RAPGEF2: variants seen among roughly 807,000 people sequenced by gnomAD.
The protein encoded by RAPGEF2 is PDZ domain containing guanine nucleotide exchange factor (GEF) 1.
Under a neutral mutation model 186.7 loss-of-function variants are expected in RAPGEF2, and 54 were observed. The observed-to-expected ratio is 0.29, with a 90% confidence interval of 0.23 to 0.36. The LOEUF (loss-of-function observed/expected upper bound fraction) is 0.36. RAPGEF2 is among the 10% of genes least tolerant of loss of function. RAPGEF2 has a pLI of 1.00. For missense variants in RAPGEF2, 1,532 were observed against 2,045.0 expected (o/e 0.75, Z 4.84); for synonymous variants, 712 against 705.9 (o/e 1.01, Z -0.14).
chr4:159,307,539 T>C (rs924477197), intron 8 of RAPGEF2, among the ~76,000 whole-genome samples: 4 of 152,346 alleles, frequency 2.6e-5, no homozygotes, highest in Admixed American at 1.3e-4. Context: ...GCCTTCATCC[T>C]CTAAACTTTG....
chr4:159,218,834 T>C (rs561685043), intron 4 of RAPGEF2, among the ~76,000 whole-genome samples: 24 of 152,230 alleles, frequency 1.6e-4, no homozygotes, highest in Non-Finnish European at 2.9e-4. Flanking sequence ...AGTTAGATGA[T>C]GGCAGAATTA....
chr4:159,213,120 A>G (rs1750681840), intron 4 of RAPGEF2, among the ~76,000 whole-genome samples: 1 of 152,220 alleles, frequency 6.6e-6, no homozygotes, highest in Non-Finnish European at 1.5e-5. Flanking sequence ...TACTATATAT[A>G]GGTTATTCCT....
At chr4:159,172,615 T>C (rs1746028850) in intron 1 of RAPGEF2, among the ~76,000 whole-genome samples, 1 of 152,182 alleles carries the variant, frequency 6.6e-6, no homozygotes, top group Non-Finnish European at 1.5e-5. Context: ...ATAAATCAAA[T>C]GTACACATGT....
At chr4:159,335,910 T>C (rs994596022) in intron 17 of RAPGEF2, among the ~76,000 whole-genome samples, 1 of 146,522 alleles carries the variant, frequency 6.8e-6, no homozygotes, top group African/African-American at 2.6e-5. Context: ...TGTGCCGGAG[T>C]GGCCAAGCCA....
intron 1 of RAPGEF2, among the ~76,000 whole-genome samples, chr4:159,126,918 TA>T (rs1740378188): frequency 2.0e-5 from 3 of 152,352 alleles, no homozygotes; most frequent in Admixed American, 2.0e-4. Flanking sequence ...CAAAGAACAA[TA>T]ATCTCACACT....
At chr4:159,283,599 A>T (rs1209500172) in intron 7 of RAPGEF2, among the ~76,000 whole-genome samples, 1 of 152,204 alleles carries the variant, frequency 6.6e-6, no homozygotes, top group African/African-American at 2.4e-5. Context: ...CCAAAGAAAG[A>T]TGCATCTTAG....
intron 7 of RAPGEF2, among the ~76,000 whole-genome samples, chr4:159,254,631 C>G (rs1041231038): frequency 5.4e-5 from 7 of 129,830 alleles, no homozygotes; most frequent in African/African-American, 1.8e-4. Flanking sequence ...TTAAATGAGA[C>G]AGAGTCTTGC....
At chr4:159,244,305 C>CA (rs1754355816) in intron 7 of RAPGEF2, among the ~76,000 whole-genome samples, 2 of 151,680 alleles carry the variant, frequency 1.3e-5, no homozygotes, top group Non-Finnish European at 1.5e-5. Context: ...AAAAAGGAAA[C>CA]AAAGTTTAAA....
intron 1 of RAPGEF2, among the ~76,000 whole-genome samples, chr4:159,132,037 G>A (rs971018206): frequency 1.3e-5 from 2 of 152,232 alleles, no homozygotes; most frequent in African/African-American, 4.8e-5. Context: ...AATATTCCCG[G>A]TGTTTTTGCT....
chr4:159,163,063 C>T (rs980564935), intron 1 of RAPGEF2, among the ~76,000 whole-genome samples: 3 of 152,124 alleles, frequency 2.0e-5, no homozygotes, highest in Non-Finnish European at 4.4e-5. Flanking sequence ...ACTTGCTGAG[C>T]TTTGTAAAGG....
chr4:159,171,222 A>G (rs1245097662), intron 1 of RAPGEF2, among the ~76,000 whole-genome samples: 1 of 152,124 alleles, frequency 6.6e-6, no homozygotes, highest in East Asian at 1.9e-4. Flanking sequence ...GTTACTGATA[A>G]CCTCCTTCAC....
chr4:159,288,660 G>A (rs979376585), intron 7 of RAPGEF2, among the ~76,000 whole-genome samples: 2 of 151,976 alleles, frequency 1.3e-5, no homozygotes, highest in African/African-American at 2.4e-5. Context: ...AATCCCTACT[G>A]CCTGACCCCA....
rs1413869620 is a variant in RAPGEF2 at position 159,148,769 on chromosome 4, G to A, written c.70-37873G>A. ...ATCTGCTTATTGGTTGCATTCTGGTGCAACTGTCAAGAACAGGTCTAGAAG... is the reference window on the plus strand; with the variant it reads ...ATCTGCTTATTGGTTGCATTCTGGTACAACTGTCAAGAACAGGTCTAGAAG... On this transcript the variant is annotated intron_variant, in intron 1 of 29. Coordinates refer to ENST00000691494, the MANE Select transcript of RAPGEF2 (RefSeq NM_001394067.2). Among the ~76,000 whole-genome samples, 4 of 152,130 alleles carry A rather than the reference G, an allele frequency of 2.6e-5. No homozygotes were observed. In the East Asian group the frequency reaches 7.7e-4, roughly 29 times the overall value.
At chr4:159,127,751 C>G (rs1294331168) in intron 1 of RAPGEF2, among the ~76,000 whole-genome samples, 2 of 152,240 alleles carry the variant, frequency 1.3e-5, no homozygotes, top group African/African-American at 4.8e-5. Flanking sequence ...AATAAGAATA[C>G]TAATGGGGTA....
intron 7 of RAPGEF2, among the ~76,000 whole-genome samples, chr4:159,274,273 T>C (rs1758560338): frequency 6.6e-6 from 1 of 152,242 alleles, no homozygotes; most frequent in Non-Finnish European, 1.5e-5. Flanking sequence ...ATGCTTACTT[T>C]ATATCCCTGA....
At chr4:159,341,054 G>T (rs911175870) in intron 19 of RAPGEF2, among the ~76,000 whole-genome samples, 7 of 152,262 alleles carry the variant, frequency 4.6e-5, no homozygotes, top group African/African-American at 1.7e-4. Flanking sequence ...GGATCAAATA[G>T]AGGGAAGTAG....
At chr4:159,130,789 C>G (rs1475905987) in intron 1 of RAPGEF2, among the ~76,000 whole-genome samples, 2 of 151,776 alleles carry the variant, frequency 1.3e-5, no homozygotes, top group African/African-American at 4.8e-5. Flanking sequence ...CGGCTCACTG[C>G]ACCCTCCGCC....
At chr4:159,123,523 G>A (rs947196214) in intron 1 of RAPGEF2, among the ~76,000 whole-genome samples, 1 of 151,666 alleles carries the variant, frequency 6.6e-6, no homozygotes, top group African/African-American at 2.4e-5. Context: ...TCTGTGGGTG[G>A]GATATGGATT....
At chr4:159,343,898 T>G in intron 22 of RAPGEF2, 138 bp from the exon 23 acceptor site, 5 of 773,744 alleles carry the variant, frequency 6.5e-6, no homozygotes, top group African/African-American at 1.7e-5. Context: ...GTTGCGTGTG[T>G]GAGGTGATTA....
Sources: allele counts gnomAD v4.1 joint callset (sites outside exome capture counted in the v4.1 genomes callset), GRCh38; gene constraint gnomAD v4.1.1; transcripts MANE v1.5; gene names NCBI Gene and HGNC (gene_info 2026-07-23, HGNC 2026-07-21).